The following RARB variants were observed in gnomAD, a reference collection of about 807,000 sequenced individuals.
The protein encoded by RARB is retinoic acid receptor beta, also known as HBV-activated protein.
In RARB, 17 loss-of-function variants were observed where a neutral mutation model predicts 51.9. That is an observed-to-expected ratio of 0.33 (90% CI 0.22 to 0.49). The LOEUF (loss-of-function observed/expected upper bound fraction) is 0.49. Ranked by LOEUF, RARB falls within the 20% of genes least tolerant of loss-of-function variation. The pLI is 0.99. For missense variants in RARB, 369 were observed against 550.8 expected, an observed-to-expected ratio of 0.67 and a Z score of 3.30; for synonymous variants, 215 against 195.4, an observed-to-expected ratio of 1.10 and a Z score of -0.84.
chr3:25,017,503 G>A (rs1382126269), intron 2 of RARB, among the ~76,000 whole-genome samples: 1 of 152,126 alleles, frequency 6.6e-6, no homozygotes, highest in East Asian at 1.9e-4. Context: ...CTTATCTGGT[G>A]CATTTTTAAT....
chr3:25,547,043 G>C (rs145587904), intron 3 of RARB, among the ~76,000 whole-genome samples: 146 of 152,288 alleles, frequency 9.6e-4, no homozygotes, highest in African/African-American at 3.4e-3. Context: ...CCCCAAATCA[G>C]ATAAGCTTAG....
At chr3:25,163,285 C>G (rs1021182041) in intron 4 of RARB, among the ~76,000 whole-genome samples, 2 of 152,036 alleles carry the variant, frequency 1.3e-5, no homozygotes, top group Non-Finnish European at 2.9e-5. Context: ...GAGCAGATTG[C>G]TTGAGTCTAG....
intron 2 of RARB, among the ~76,000 whole-genome samples, chr3:24,930,138 A>G (rs1210498333): frequency 6.6e-6 from 1 of 152,146 alleles, no homozygotes; most frequent in Non-Finnish European, 1.5e-5. Flanking sequence ...TCTAACACAC[A>G]AAGTAGAAAC....
rs144291280 is a variant in RARB, at chr3:25,110,146, A to C, written c.-327-22015A>C. 3.4e-3 allele frequency among the ~76,000 whole-genome samples: 511 copies of C among 152,344 alleles called. 1 individual carries two copies. Among genetic ancestry groups the C allele is most frequent in the Non-Finnish European group, 5.8e-3 (396 of 68,034 alleles). The stretch of plus-strand genomic sequence containing the variant: ...ACCAGGAGTGGTATCCTCCAAAAAA[A>C]TCCCTACAAATGGGATATGGGAATT... On this transcript the variant is annotated intron_variant, in intron 3 of 11. Transcript: ENST00000383772.
rs138389529 is a variant in RARB, at chr3:25,163,504, A to AATATATATATATATAT, written c.-279-10596_-279-10581dup. Among the ~76,000 whole-genome samples, 690 of 130,754 alleles carry AATATATATATATATAT rather than the reference A, an allele frequency of 5.3e-3. 3 individuals carry two copies. The highest frequency in any genetic ancestry group is 8.0e-3 in the Non-Finnish European group (502 of 62,652). The allele number at this position is 130,754 out of a possible 152,430, so 85.8% of individuals were successfully genotyped here. A position where few individuals can be genotyped will look rare whatever the true frequency, so the allele number is the denominator to read the frequency against. ...TGAGCAGAATAAGACCCTATCTCAA[A>AATATATATATATATAT]ATATATATATATATATATATATATA... On this transcript the variant is annotated intron_variant, in intron 4 of 11. Transcript: ENST00000383772.
At chr3:25,054,811 A>G (rs1216974644) in intron 2 of RARB, among the ~76,000 whole-genome samples, 1 of 152,200 alleles carries the variant, frequency 6.6e-6, no homozygotes, top group African/African-American at 2.4e-5. Context: ...ATGTGCTACC[A>G]CTAGCAATAT....
intron 5 of RARB, among the ~76,000 whole-genome samples, chr3:25,239,261 C>G (rs1375625827): frequency 1.3e-5 from 2 of 152,150 alleles, no homozygotes; most frequent in Non-Finnish European, 2.9e-5. Context: ...TGTTCTATAA[C>G]TCTGTTAATT....
chr3:25,418,173 T>C (rs756373886), intron 5 of RARB, among the ~76,000 whole-genome samples: 3 of 152,184 alleles, frequency 2.0e-5, no homozygotes, highest in Non-Finnish European at 2.9e-5. Flanking sequence ...TCTATCTGGA[T>C]GGCGATATGC....
intron 5 of RARB, among the ~76,000 whole-genome samples, chr3:25,202,321 C>A (rs185477003): frequency 6.6e-6 from 1 of 151,966 alleles, no homozygotes. Context: ...TGATTCTTCT[C>A]TCTTTTCTTC....
chr3:24,915,430 C>A (rs1364150789), intron 2 of RARB, among the ~76,000 whole-genome samples: 1 of 152,100 alleles, frequency 6.6e-6, no homozygotes, highest in African/African-American at 2.4e-5. Context: ...TACAGTATAT[C>A]TCAATTCTGA....
At chr3:25,241,147 T>C (rs1489722816) in intron 5 of RARB, among the ~76,000 whole-genome samples, 1 of 152,208 alleles carries the variant, frequency 6.6e-6, no homozygotes, top group Non-Finnish European at 1.5e-5. Context: ...GATGACCTTC[T>C]CCATTTCTGT....
At chr3:25,211,842 G>A (rs899296462) in intron 5 of RARB, among the ~76,000 whole-genome samples, 1 of 152,136 alleles carries the variant, frequency 6.6e-6, no homozygotes, top group African/African-American at 2.4e-5. Flanking sequence ...TCCATAATTT[G>A]CAGACTCATG....
upstream of RARB, among the ~76,000 whole-genome samples, chr3:25,425,116 A>G (rs1009083022): frequency 1.3e-5 from 2 of 152,214 alleles, no homozygotes; most frequent in Non-Finnish European, 2.9e-5. Flanking sequence ...ACATATCAGA[A>G]TGTTATTTTA....
chr3:25,245,690 T>C (rs1702542231), intron 5 of RARB, among the ~76,000 whole-genome samples: 2 of 152,220 alleles, frequency 1.3e-5, no homozygotes, highest in South Asian at 4.1e-4. Flanking sequence ...TCTGATAGGC[T>C]TCCCTTTGTG....
chr3:25,296,119 C>T (rs772140102), intron 5 of RARB, among the ~76,000 whole-genome samples: 3 of 152,074 alleles, frequency 2.0e-5, no homozygotes, highest in Non-Finnish European at 4.4e-5. Flanking sequence ...GCCCTAGGGA[C>T]ATCCACCAAA....
rs979731507 is a variant in RARB at position 25,597,403 on chromosome 3, T to C, written c.*787T>C. 2 of 123,534 alleles carry C rather than the reference T, an allele frequency of 1.6e-5. No homozygotes were observed. The highest frequency in any genetic ancestry group is 4.8e-4 in the South Asian group (2 of 4,128). 7.7% of individuals were successfully genotyped at this position (123,534 alleles called of 1,614,324 possible). On this transcript the variant is annotated 3_prime_UTR_variant, in exon 8 of 8. Transcript: ENST00000330688. Reference sequence around the variant, plus strand: ...TTTATTACTTGTTTAATGACATAACTACACAGTTAGTTAAAAAAAATTTTT... The same window carrying C: ...TTTATTACTTGTTTAATGACATAACCACACAGTTAGTTAAAAAAAATTTTT...
intron 4 of RARB, 71 bp downstream of exon 4, chr3:25,569,989 C>A: frequency 2.7e-6 from 2 of 741,442 alleles, no homozygotes; most frequent in Non-Finnish European, 3.6e-6. Flanking sequence ...CAGACACACA[C>A]ACACACACAC....
chr3:25,569,637 C>T, intron 3 of RARB, 121 bp from the exon 4 acceptor site: 3 of 1,184,818 alleles, frequency 2.5e-6, no homozygotes, highest in Non-Finnish European at 3.5e-6. Flanking sequence ...CACCTCTTCC[C>T]ACTGTTTCTG....
intron 2 of RARB, among the ~76,000 whole-genome samples, chr3:25,043,307 T>C (rs1698149320): frequency 6.6e-6 from 1 of 152,256 alleles, no homozygotes; most frequent in African/African-American, 2.4e-5. Context: ...CTGGCCATTC[T>C]TAACAGACTC....
Sources: gnomAD v4.1 joint callset for allele counts (sites outside exome capture counted in the v4.1 genomes callset) on GRCh38, gnomAD v4.1.1 for gene constraint, MANE v1.5 for transcripts, NCBI Gene and HGNC (gene_info 2026-07-23, HGNC 2026-07-21) for gene names.